Variants in ZNF442 observed in about 807,000 individuals in gnomAD.
ZNF442 encodes zinc finger protein 442.
In ZNF442, 45 loss-of-function variants were observed where a neutral mutation model predicts 57.0. That is an observed-to-expected ratio of 0.79 (90% CI 0.62 to 1.01). ZNF442 has a LOEUF of 1.01. ZNF442 is among the 50% of genes least tolerant of loss of function. The pLI is 0.00. For missense variants in ZNF442, 690 were observed against 756.5 expected (o/e 0.91, Z 1.03); for synonymous variants, 213 against 241.8 (o/e 0.88, Z 1.10).
chr19:12,355,537 T>G (rs1221930969), intron 3 of ZNF442, among the ~76,000 whole-genome samples: 5 of 150,322 alleles, frequency 3.3e-5, no homozygotes, highest in African/African-American at 1.2e-4. Flanking sequence ...ATTTTTGTAT[T>G]TTTAGTAGAG....
chr19:12,352,848 G>A (rs759246923), intron 4 of ZNF442, 140 bp downstream of exon 4: 31 of 945,592 alleles, frequency 3.3e-5, no homozygotes, highest in Non-Finnish European at 3.7e-5. Flanking sequence ...ACAACTGGTT[G>A]GGGACCCAGC....
rs1969175677 is a variant in ZNF442, at chr19:12,349,397, T to G, written c.*304A>C. ...AGGTATTTTAGTAACCTACTTTTTA[T>G]TTTTACTTTTACAAAAGCTTTGGGT... On this transcript the variant is annotated 3_prime_UTR_variant, in exon 6 of 6. Transcript: ENST00000242804. 2 of 219,932 alleles carry G rather than the reference T, an allele frequency of 9.1e-6. No individual in the cohort carries two copies. The highest frequency in any genetic ancestry group is 2.1e-4 in the East Asian group (2 of 9,720). The allele number at this position is 219,932 out of a possible 1,614,324, so 13.6% of individuals were successfully genotyped here.
At chr19:12,367,332 A>G (rs566886662), upstream of ZNF442, among the ~76,000 whole-genome samples, 39 of 152,344 alleles carry the variant, frequency 2.6e-4, 1 homozygote, top group Admixed American at 2.1e-3. Flanking sequence ...GTGTACGAAC[A>G]GGGAGTAAGT....
chr19:12,357,331 C>T (rs924208289), intron 3 of ZNF442, among the ~76,000 whole-genome samples: 2 of 150,320 alleles, frequency 1.3e-5, no homozygotes, highest in African/African-American at 4.9e-5. Context: ...ATCCTACCCC[C>T]AGAATTTCTT....
chr19:12,354,849 G>A (rs1168369727), intron 3 of ZNF442, among the ~76,000 whole-genome samples: 4 of 152,066 alleles, frequency 2.6e-5, no homozygotes, highest in South Asian at 2.1e-4. Context: ...AATATAGTAC[G>A]CAATACGTAT....
At chr19:12,365,974 GT>G (rs1969525654), upstream of ZNF442, 1 of 152,378 alleles carries the variant, frequency 6.6e-6, no homozygotes, top group South Asian at 2.1e-4. Context: ...GGACCCACAA[GT>G]GTGTGCTGGG....
At chr19:12,372,475 A>G in the ZNF442 span, among the ~76,000 whole-genome samples, 1 of 151,996 alleles carries the variant, frequency 6.6e-6, no homozygotes, top group Non-Finnish European at 1.5e-5. Context: ...AAAAAAAGAG[A>G]AAAAAGAAAT....
chr19:12,358,309 G>T lies in ZNF442; in HGVS notation c.79-5195C>A, dbSNP rs376573995. Among the ~76,000 whole-genome samples, 5 of 152,184 alleles carry T rather than the reference G, an allele frequency of 3.3e-5. No homozygotes were observed. The East Asian group carries it at 7.7e-4, about 24-fold the overall frequency. On this transcript the variant is annotated intron_variant, in intron 3 of 5. Transcript: ENST00000242804. Reference sequence around the variant, plus strand: ...GTACATGTGGTATTTGTCTTTCTGTGTCTGAATTGTTTTGCTTAAGATAAT... The same window carrying T: ...GTACATGTGGTATTTGTCTTTCTGTTTCTGAATTGTTTTGCTTAAGATAAT...
In ZNF442 at chr19:12,364,915, T is replaced by C. The variant is rs1969505248; in HGVS notation, c.-154A>G. 1 of 152,072 alleles carries C rather than the reference T, an allele frequency of 6.6e-6. No homozygotes were observed. Among genetic ancestry groups the C allele is most frequent in the South Asian group, 2.1e-4 (1 of 4,812 alleles). The allele number at this position is 152,072 out of a possible 1,614,324, so 9.4% of individuals were successfully genotyped here. A position where few individuals can be genotyped will look rare whatever the true frequency, so the allele number is the denominator to read the frequency against. ...ATAAGATCTCGGAGAGCTGCTCGAG[T>C]TGCCCAAGTTCTTTCTCAGATCTTG... On this transcript the variant is annotated 5_prime_UTR_variant, in exon 2 of 6. Coordinates refer to ENST00000242804, the MANE Select transcript of ZNF442 (RefSeq NM_030824.3).
At chr19:12,365,480 G>T (rs1019556569) in intron 1 of ZNF442, 53 bp downstream of exon 1, 1 of 456,410 alleles carries the variant, frequency 2.2e-6, no homozygotes, top group Non-Finnish European at 4.0e-6. Context: ...GGTTCTGGCC[G>T]GTTCCAACCA....
intron 3 of ZNF442, among the ~76,000 whole-genome samples, chr19:12,363,178 A>G (rs1969467293): frequency 1.3e-5 from 2 of 151,756 alleles, no homozygotes; most frequent in South Asian, 2.1e-4. Context: ...AAAAAAAAAA[A>G]AAGGAATAGA....
At chr19:12,352,962 A>G in intron 4 of ZNF442, 26 bp downstream of exon 4, 1 of 1,588,026 alleles carries the variant, frequency 6.3e-7, no homozygotes, top group Non-Finnish European at 8.5e-7. Flanking sequence ...CTAATTGACT[A>G]AGTGAAGACA....
At chr19:12,353,195 T>C in intron 3 of ZNF442, 81 bp from the exon 4 acceptor site, 1 of 1,434,376 alleles carries the variant, frequency 7.0e-7, no homozygotes, top group Non-Finnish European at 9.3e-7. Context: ...AAACTTTGCA[T>C]ACTATTATTT....
chr19:12,354,179 G>T (rs1316313447), intron 3 of ZNF442, among the ~76,000 whole-genome samples: 5 of 152,140 alleles, frequency 3.3e-5, no homozygotes. Flanking sequence ...AATGTTTATT[G>T]CAACATGTTA....
Position 12,349,185 on chromosome 19 carries a change from G to T in ZNF442, c.*516C>A, listed in dbSNP as rs1416333476. Reference sequence around the variant, plus strand: ...CATTGCCCTCCAGCCTGGGCAATAAGAGTGAAACTCTGTCTTAAAAAAAAA... The same window carrying T: ...CATTGCCCTCCAGCCTGGGCAATAATAGTGAAACTCTGTCTTAAAAAAAAA... On this transcript the variant is annotated 3_prime_UTR_variant, in exon 6 of 6. Coordinates refer to ENST00000242804, the MANE Select transcript of ZNF442 (RefSeq NM_030824.3). The T allele has an allele frequency of 6.8e-6, 1 of 148,144 alleles. No homozygotes were observed. Among genetic ancestry groups the T allele is most frequent in the Non-Finnish European group, 1.5e-5 (1 of 67,436 alleles). 9.2% of individuals were successfully genotyped at this position (148,144 alleles called of 1,614,324 possible).
In ZNF442 at chr19:12,349,960, T is replaced by G; in HGVS notation, c.1625A>C (p.Lys542Thr). The change falls in exon 6 of 6, where the codon AAG becomes ACG. Residue 542 changes from lysine (K) to threonine (T), a missense_variant. Coordinates refer to ENST00000242804, the MANE Select transcript of ZNF442 (RefSeq NM_030824.3). ...KVHERIHTGE[K>T]PYECKECRKA... ...CCTGCATTCCTTACATTCATATGGC[T>G]TCTCTCCAGTGTGAATCCTTTCATG... is the stretch of plus-strand genomic sequence containing the variant. The G allele has an allele frequency of 6.2e-7, 1 of 1,614,214 alleles. No individual in the cohort carries two copies. Among genetic ancestry groups the G allele is most frequent in the South Asian group, 1.1e-5 (1 of 91,086 alleles).
At chr19:12,352,858 C>T in intron 4 of ZNF442, 130 bp downstream of exon 4, 3 of 1,113,122 alleles carry the variant, frequency 2.7e-6, no homozygotes, top group Non-Finnish European at 3.8e-6. Context: ...GGGGACCCAG[C>T]ACCACTTAAC....
At chr19:12,373,418 T>C in the ZNF442 span, among the ~76,000 whole-genome samples, 2 of 152,070 alleles carry the variant, frequency 1.3e-5, no homozygotes, top group Non-Finnish European at 2.9e-5. Flanking sequence ...GGCGCACACC[T>C]ATAGTCCCAG....
chr19:12,352,073 A>G lies in ZNF442; in HGVS notation c.206-3T>C. 6.2e-7 allele frequency: 1 copy of G among 1,613,062 alleles called. No individual in the cohort carries two copies. Among genetic ancestry groups the G allele is most frequent in the South Asian group, 1.1e-5 (1 of 90,908 alleles). ...GTTTGTGTCTTCCCATTTCATTCCT[A>G]AAAGGTGGACACAGAAAAAACACTG... On this transcript the variant is annotated splice_region_variant and splice_polypyrimidine_tract_variant and intron_variant, in intron 4 of 5. Coordinates refer to ENST00000242804, the MANE Select transcript of ZNF442 (RefSeq NM_030824.3).
Sources: gnomAD v4.1 joint callset for allele counts (sites outside exome capture counted in the v4.1 genomes callset) on GRCh38, gnomAD v4.1.1 for gene constraint, MANE v1.5 for transcripts, NCBI Gene and HGNC (gene_info 2026-07-23, HGNC 2026-07-21) for gene names.